FBXL7: variants seen among roughly 807,000 people sequenced by gnomAD.
The protein encoded by FBXL7 is F-box and leucine rich repeat protein 7.
In FBXL7, 12 loss-of-function variants were observed where a neutral mutation model predicts 38.3. That is an observed-to-expected ratio of 0.31 (90% CI 0.20 to 0.51). The LOEUF is 0.51. Ranked by LOEUF, FBXL7 falls within the 20% of genes least tolerant of loss-of-function variation. The pLI is 0.98. For missense variants in FBXL7, 567 were observed against 676.4 expected, an observed-to-expected ratio of 0.84 and a Z score of 1.79; for synonymous variants, 297 against 300.9, an observed-to-expected ratio of 0.99 and a Z score of 0.13.
At chr5:15,883,144 C>T (rs1008392764) in intron 2 of FBXL7, among the ~76,000 whole-genome samples, 13 of 152,038 alleles carry the variant, frequency 8.6e-5, no homozygotes, top group African/African-American at 3.1e-4. Context: ...ACCCTTCAAG[C>T]ATTTAAGTTA....
intron 2 of FBXL7, among the ~76,000 whole-genome samples, chr5:15,643,229 G>A (rs1249566155): frequency 2.0e-5 from 3 of 152,160 alleles, no homozygotes; most frequent in African/African-American, 4.8e-5. Flanking sequence ...TGAATTATTG[G>A]TCTAGCCAAC....
chr5:15,828,836 T>C (rs886645371), intron 2 of FBXL7, among the ~76,000 whole-genome samples: 1 of 152,236 alleles, frequency 6.6e-6, no homozygotes, highest in African/African-American at 2.4e-5. Context: ...AATTCATACA[T>C]AGTGTTTGCC....
chr5:15,555,682 G>T (rs555678452), intron 1 of FBXL7, among the ~76,000 whole-genome samples: 1 of 151,984 alleles, frequency 6.6e-6, no homozygotes, highest in African/African-American at 2.4e-5. Flanking sequence ...ATTCTCCTTT[G>T]TCCCATTGCA....
In FBXL7 at chr5:15,522,562, C is replaced by G. The variant is rs1017512900; in HGVS notation, c.37+21849C>G. Among the ~76,000 whole-genome samples the G allele has an allele frequency of 3.3e-5, 5 of 152,166 alleles. No homozygotes were observed. The East Asian group carries it at 7.7e-4, about 23-fold the overall frequency. On this transcript the variant is annotated intron_variant, in intron 1 of 3. Coordinates refer to ENST00000504595, the MANE Select transcript of FBXL7 (RefSeq NM_012304.5). ...TGTTCAGAAAATATTCCAGACATCC[C>G]TGACTTAGGTTTTACTGCCCCAGGT... is the stretch of plus-strand genomic sequence containing the variant.
At chr5:15,595,171 A>G (rs944223801) in intron 1 of FBXL7, among the ~76,000 whole-genome samples, 1 of 152,244 alleles carries the variant, frequency 6.6e-6, no homozygotes, top group Non-Finnish European at 1.5e-5. Flanking sequence ...ACAAATTGGT[A>G]TAATCCCAAG....
chr5:15,749,558 C>A (rs1469880395), intron 2 of FBXL7, among the ~76,000 whole-genome samples: 3 of 151,820 alleles, frequency 2.0e-5, no homozygotes, highest in Non-Finnish European at 4.4e-5. Context: ...ACCCAGGAGG[C>A]GGAGCTTGCA....
chr5:15,684,741 C>G (rs138860645), intron 2 of FBXL7, among the ~76,000 whole-genome samples: 1 of 152,254 alleles, frequency 6.6e-6, no homozygotes, highest in East Asian at 1.9e-4. Flanking sequence ...TGCTTTGCTT[C>G]TAGCTTTAAA....
chr5:15,697,851 A>T (rs1743387666), intron 2 of FBXL7, among the ~76,000 whole-genome samples: 1 of 152,220 alleles, frequency 6.6e-6, no homozygotes, highest in African/African-American at 2.4e-5. Flanking sequence ...AATTTTGCCA[A>T]AACCAACCAG....
chr5:15,586,273 C>T (rs1429419310), intron 1 of FBXL7, among the ~76,000 whole-genome samples: 2 of 118,174 alleles, frequency 1.7e-5, no homozygotes, highest in Non-Finnish European at 3.5e-5. Flanking sequence ...CCCCTCCCCC[C>T]TCCCCCTTGT....
At chr5:15,845,212 G>T (rs1054432001) in intron 2 of FBXL7, among the ~76,000 whole-genome samples, 1 of 152,174 alleles carries the variant, frequency 6.6e-6, no homozygotes, top group African/African-American at 2.4e-5. Flanking sequence ...CACACATTTG[G>T]ACAATTTCCT....
At chr5:15,602,027 A>G (rs1234633837) in intron 1 of FBXL7, among the ~76,000 whole-genome samples, 1 of 152,124 alleles carries the variant, frequency 6.6e-6, no homozygotes, top group Non-Finnish European at 1.5e-5. Context: ...TGTGATGACT[A>G]AGGCTGCACC....
At chr5:15,568,601 C>T (rs1738665620) in intron 1 of FBXL7, among the ~76,000 whole-genome samples, 1 of 151,296 alleles carries the variant, frequency 6.6e-6, no homozygotes, top group Non-Finnish European at 1.5e-5. Context: ...TAATTAGATC[C>T]CATTTGTCAA....
At chr5:15,771,862 G>T (rs567111959) in intron 2 of FBXL7, among the ~76,000 whole-genome samples, 1 of 151,364 alleles carries the variant, frequency 6.6e-6, no homozygotes, top group Admixed American at 6.6e-5. Context: ...CCGCCTGCTG[G>T]GTTCAAGCAA....
chr5:15,545,615 A>G (rs1384196752), intron 1 of FBXL7, among the ~76,000 whole-genome samples: 1 of 152,116 alleles, frequency 6.6e-6, no homozygotes, highest in East Asian at 1.9e-4. Flanking sequence ...TTGATTTGTC[A>G]TCAAAAAATT....
At chr5:15,621,284 T>C (rs1432388800) in intron 2 of FBXL7, among the ~76,000 whole-genome samples, 1 of 152,194 alleles carries the variant, frequency 6.6e-6, no homozygotes, top group East Asian at 1.9e-4. Context: ...CCTGACACTG[T>C]AGGGGGGGTT....
chr5:15,687,428 C>T (rs1017764083), intron 2 of FBXL7, among the ~76,000 whole-genome samples: 1 of 152,214 alleles, frequency 6.6e-6, no homozygotes, highest in African/African-American at 2.4e-5. Context: ...TCCTTTCACA[C>T]CTTTGTTCTC....
chr5:15,535,329 G>C (rs1280753804), intron 1 of FBXL7, among the ~76,000 whole-genome samples: 1 of 152,208 alleles, frequency 6.6e-6, no homozygotes, highest in Non-Finnish European at 1.5e-5. Context: ...GCAGAGGTTG[G>C]AACAGTTTGG....
At chr5:15,698,051 G>A (rs1311878544) in intron 2 of FBXL7, among the ~76,000 whole-genome samples, 2 of 152,234 alleles carry the variant, frequency 1.3e-5, no homozygotes, top group East Asian at 1.9e-4. Context: ...TTGAAAGCGC[G>A]ATATTTTTTC....
chr5:15,808,560 G>C (rs964995922), intron 2 of FBXL7, among the ~76,000 whole-genome samples: 1 of 152,140 alleles, frequency 6.6e-6, no homozygotes, highest in Non-Finnish European at 1.5e-5. Context: ...TAGAGTAAAA[G>C]ACAGTGACTT....
Sources: allele counts gnomAD v4.1 joint callset (sites outside exome capture counted in the v4.1 genomes callset), GRCh38; gene constraint gnomAD v4.1.1; transcripts MANE v1.5; gene names NCBI Gene and HGNC (gene_info 2026-07-23, HGNC 2026-07-21).